The following SALL4 variants were observed in gnomAD, a reference collection of about 807,000 sequenced individuals.
SALL4 encodes sal-like protein 4.
In SALL4, 4 loss-of-function variants were observed where a neutral mutation model predicts 60.8. That is an observed-to-expected ratio of 0.07 (90% CI 0.03 to 0.15). The LOEUF (loss-of-function observed/expected upper bound fraction) is 0.15. Among genes scored for constraint, SALL4 ranks in the 10% least tolerant of loss-of-function variants. The pLI, the probability that SALL4 is intolerant of heterozygous loss-of-function variation, is 1.00. For synonymous variants in SALL4, 580 were observed against 574.9 expected (o/e 1.01, Z -0.13); for missense variants, 1,178 against 1,394.7 (o/e 0.84, Z 2.48).
chr20:51,783,101 C>T lies in SALL4; in HGVS notation c.*1164G>A, dbSNP rs747045257. 5 of 152,142 alleles carry T rather than the reference C, an allele frequency of 3.3e-5. No homozygotes were observed. Among genetic ancestry groups the T allele is most frequent in the Non-Finnish European group, 7.4e-5 (5 of 68,024 alleles). 9.4% of individuals were successfully genotyped at this position (152,142 alleles called of 1,614,324 possible). On this transcript the variant is annotated 3_prime_UTR_variant, in exon 4 of 4. Transcript: ENST00000217086. ...GTATGTGAACCTGTGATGGGAAACA[C>T]GCCCTTCCACGAGTTTCTTCTCGAG...
intron 3 of SALL4, among the ~76,000 whole-genome samples, chr20:51,785,160 G>C (rs2077982968): frequency 6.6e-6 from 1 of 152,086 alleles, no homozygotes; most frequent in African/African-American, 2.4e-5. Flanking sequence ...AAGTAGCCAG[G>C]CATGGTGGCA....
At position 51,791,468 on chromosome 20, in the gene SALL4, G is replaced by A; in HGVS notation, c.1015C>T (p.Pro339Ser). The A allele has an allele frequency of 1.9e-6, 3 of 1,614,164 alleles. No homozygotes were observed. The East Asian group carries it at 6.7e-5, about 36-fold the overall frequency. Residue 339 changes from proline (P) to serine (S), a missense_variant, in exon 2 of 4, where the codon CCG becomes TCG. Physicochemically the swap from Pro to Ser is moderately conservative, Grantham distance 74 (BLOSUM62 -1). Around this residue, in one of 5 missense-constraint regions of SALL4, gnomAD observed 853 missense variants for 1,036.8 expected, o/e 0.82. Transcript: ENST00000217086. The surrounding 1 kb of genome is among the most constrained non-coding windows in gnomAD (Gnocchi z 4.6). ...RLPSALLPQAPGSVLFQSPFS... is the reference protein window; with the variant it reads ...RLPSALLPQASGSVLFQSPFS... ...GGGCTCTGGAAGAGCACCGAGCCCG[G>A]GGCCTGAGGAAGCAAAGCGCTCGGG...
Position 51,791,465 on chromosome 20 carries a change from C to T in SALL4, c.1018G>A (p.Gly340Ser), listed in dbSNP as rs181072784. ...LPSALLPQAP[G>S]SVLFQSPFST... ...AAAGGGCTCTGGAAGAGCACCGAGC[C>T]CGGGGCCTGAGGAAGCAAAGCGCTC... Residue 340 changes from glycine (G) to serine (S), a missense_variant, in exon 2 of 4, where the codon GGC becomes AGC. By Grantham distance (56) the Gly-to-Ser change is moderately conservative. Around this residue, in one of 5 missense-constraint regions of SALL4, gnomAD observed 853 missense variants for 1,036.8 expected, o/e 0.82. Transcript: ENST00000217086. The surrounding 1 kb of genome is among the most constrained non-coding windows in gnomAD (Gnocchi z 4.6). 7.8e-5 allele frequency: 126 copies of T among 1,614,148 alleles called. 1 individual carries two copies. The East Asian group carries it at 2.8e-3, about 36-fold the overall frequency.
chr20:51,789,214 A>G, intron 2 of SALL4, 73 bp from the exon 3 acceptor site: 1 of 1,549,444 alleles, frequency 6.5e-7, no homozygotes, highest in Non-Finnish European at 8.8e-7. Flanking sequence ...AGCAAAAGAG[A>G]TCTTTAAAAA....
chr20:51,794,869 G>A (rs1290993747), intron 1 of SALL4, among the ~76,000 whole-genome samples: 1 of 152,142 alleles, frequency 6.6e-6, no homozygotes, highest in Admixed American at 6.5e-5. Flanking sequence ...CCCTTCATTT[G>A]TACCCCTCTG....
At chr20:51,793,081 A>G (rs1167306183) in intron 1 of SALL4, 6 of 612,680 alleles carry the variant, frequency 9.8e-6, no homozygotes, top group Non-Finnish European at 1.2e-5. Context: ...ATTTTGGCCC[A>G]CCCACCCATA....
Position 51,802,340 on chromosome 20 carries a change from C to A in SALL4, c.69G>T (p.Pro23=). ...CTGCAAACTCCGGGGTCTGCTGCTG[C>A]GGCTGCTGCTCGCCCTGGTCCTCCT... ...NSEEDQGEQQ[P]QQQTPEFADA... Residue 23 remains proline, a synonymous_variant, in exon 1 of 4, where the codon CCG becomes CCT. Transcript: ENST00000217086. 2.5e-6 allele frequency: 4 copies of A among 1,610,352 alleles called. No individual in the cohort carries two copies. Among genetic ancestry groups the A allele is most frequent in the Non-Finnish European group, 3.4e-6 (4 of 1,179,668 alleles).
intron 3 of SALL4, among the ~76,000 whole-genome samples, chr20:51,785,368 A>G (rs1453078820): frequency 6.6e-6 from 1 of 152,220 alleles, no homozygotes; most frequent in East Asian, 1.9e-4. Flanking sequence ...AAAGTGAGAA[A>G]CAGAATGGTT....
chr20:51,797,517 T>C (rs2078085774), intron 1 of SALL4: 1 of 152,184 alleles, frequency 6.6e-6, no homozygotes, highest in Admixed American at 6.6e-5. Context: ...GCAGCTCTGT[T>C]TGCTTGTGCA....
intron 1 of SALL4, among the ~76,000 whole-genome samples, chr20:51,794,769 G>T (rs1045171460): frequency 1.3e-5 from 2 of 152,220 alleles, no homozygotes; most frequent in South Asian, 4.2e-4. Context: ...GAGGCACAGA[G>T]GACATGAACT....
intron 1 of SALL4, among the ~76,000 whole-genome samples, chr20:51,795,561 C>T (rs1183443715): frequency 6.6e-6 from 1 of 152,144 alleles, no homozygotes; most frequent in African/African-American, 2.4e-5. Context: ...CTAGGTGGCA[C>T]AATCTTTCTA....
intron 1 of SALL4, among the ~76,000 whole-genome samples, chr20:51,796,531 A>G (rs1277220402): frequency 1.4e-4 from 22 of 152,178 alleles, no homozygotes; most frequent in South Asian, 2.1e-4. Flanking sequence ...CCTTCTTCCA[A>G]TGTGGACCAG....
At chr20:51,785,051 C>T (rs2077982189) in intron 3 of SALL4, among the ~76,000 whole-genome samples, 1 of 152,046 alleles carries the variant, frequency 6.6e-6, no homozygotes, top group African/African-American at 2.4e-5. Flanking sequence ...GCCTGTAATC[C>T]CAGCACTTTG....
chr20:51,800,738 C>T (rs1249901580), intron 1 of SALL4, among the ~76,000 whole-genome samples: 1 of 151,362 alleles, frequency 6.6e-6, no homozygotes, highest in African/African-American at 2.4e-5. Context: ...CACCCCACCC[C>T]GCCCCCAACC....
intron 1 of SALL4, 133 bp downstream of exon 1, chr20:51,802,146 G>A: frequency 9.3e-7 from 1 of 1,076,946 alleles, no homozygotes; most frequent in Non-Finnish European, 1.3e-6. Flanking sequence ...TCTCCTCCCG[G>A]GCACTGAGCC....
Position 51,802,428 on chromosome 20 carries a change from C to T in SALL4, c.-20G>A. ...CGACATGGTGCGAGCATCGGGGCGC[C>T]GGGAGAGCCGCAGTTATTTGCCCTC... On this transcript the variant is annotated 5_prime_UTR_variant, in exon 1 of 4. Coordinates refer to ENST00000217086, the MANE Select transcript of SALL4 (RefSeq NM_020436.5). 6.2e-7 allele frequency: 1 copy of T among 1,612,484 alleles called. No homozygotes were observed. Among genetic ancestry groups the T allele is most frequent in the Non-Finnish European group, 8.5e-7 (1 of 1,179,854 alleles).
In SALL4 at chr20:51,784,070, TCAAC is replaced by T; in HGVS notation, c.*191_*194del. On this transcript the variant is annotated 3_prime_UTR_variant, in exon 4 of 4. Transcript: ENST00000217086. ...TGGTATGCATTTTTTTTTTATTTTT[TCAAC>T]TTTTTGCAAAGCAGCATAGCAACAA... 1.9e-4 allele frequency: 125 copies of T among 643,510 alleles called. No individual in the cohort carries two copies. The highest frequency in any genetic ancestry group is 4.2e-4 in the Middle Eastern group (1 of 2,356). 39.9% of individuals were successfully genotyped at this position (643,510 alleles called of 1,614,324 possible). A position where few individuals can be genotyped will look rare whatever the true frequency, so the allele number is the denominator to read the frequency against.
rs2078107225 is a variant in SALL4, at chr20:51,801,148, T to G, written c.130+1131A>C. On this transcript the variant is annotated intron_variant, in intron 1 of 3. Transcript: ENST00000217086. This position sits in a 1 kb window ranked among gnomAD's most constrained non-coding sequence, Gnocchi z 5.2. Reference sequence around the variant, plus strand: ...CTCCCCCCACGCGCACGCTAAAAACTTATCAGGCGACAATTTGGCGGGCCG... The same window carrying G: ...CTCCCCCCACGCGCACGCTAAAAACGTATCAGGCGACAATTTGGCGGGCCG... 6.6e-6 allele frequency among the ~76,000 whole-genome samples: 1 copy of G among 151,788 alleles called. No homozygotes were observed. The highest frequency in any genetic ancestry group is 2.4e-5 in the African/African-American group (1 of 41,362).
intron 1 of SALL4, among the ~76,000 whole-genome samples, chr20:51,796,210 AAAAG>A (rs1394118922): frequency 1.8e-4 from 27 of 148,600 alleles, no homozygotes; most frequent in African/African-American, 4.3e-4. Context: ...AAAAAAAAAA[AAAAG>A]AAAGAAAGAA....
Sources: allele counts gnomAD v4.1 joint callset (sites outside exome capture counted in the v4.1 genomes callset), GRCh38; gene constraint gnomAD v4.1.1; regional missense constraint gnomAD v4.1.1; non-coding constraint Gnocchi (gnomAD v3.1); transcripts MANE v1.5; gene names NCBI Gene and HGNC (gene_info 2026-07-23, HGNC 2026-07-21).